SGCE: variants seen among roughly 807,000 people sequenced by gnomAD.
SGCE encodes sarcoglycan epsilon, also known as epsilon-sarcoglycan.
A neutral mutation model predicts 57.8 loss-of-function variants in SGCE; 26 were observed. That is an observed-to-expected ratio of 0.45 (90% CI 0.33 to 0.62). The LOEUF (loss-of-function observed/expected upper bound fraction) is 0.62, where lower values mean the gene tolerates loss of function less well. SGCE is among the 20% of genes least tolerant of loss of function. The pLI, the probability that SGCE is intolerant of heterozygous loss-of-function variation, is 0.02. For missense variants in SGCE, 468 were observed against 548.6 expected (o/e 0.85, Z 1.47); for synonymous variants, 183 against 189.5 (o/e 0.97, Z 0.28).
At chr7:94,595,397 T>C (rs539789538) in intron 9 of SGCE, among the ~76,000 whole-genome samples, 1 of 152,230 alleles carries the variant, frequency 6.6e-6, no homozygotes, top group African/African-American at 2.4e-5. Flanking sequence ...TGTCTGAATA[T>C]TTCCGGTATC....
chr7:94,635,066 A>G (rs1422133284), intron 1 of SGCE, among the ~76,000 whole-genome samples: 1 of 152,226 alleles, frequency 6.6e-6, no homozygotes, highest in Non-Finnish European at 1.5e-5. Flanking sequence ...CAATATAATT[A>G]ATAAGTAACT....
In SGCE at chr7:94,639,544, A is replaced by T. The variant is rs1362853493; in HGVS notation, c.110-9703T>A. On this transcript the variant is annotated intron_variant, in intron 1 of 10. Transcript: ENST00000648936. ...ATCACCTACAATTAACTGGGATCAG[A>T]TTCCTTCCAGCCCAGCTAACTGTTT... is the stretch of plus-strand genomic sequence containing the variant. The T allele has an allele frequency of 4.2e-6, 3 of 716,648 alleles. No individual in the cohort carries two copies. The Admixed American group carries it at 7.1e-5, about 17-fold the overall frequency. The allele number at this position is 716,648 out of a possible 1,614,324, so 44.4% of individuals were successfully genotyped here.
At chr7:94,589,067 G>A in intron 9 of SGCE, 1 of 350,220 alleles carries the variant, frequency 2.9e-6, no homozygotes, top group Admixed American at 3.9e-5. Flanking sequence ...CTAGGACATG[G>A]TAGGTAAAGA....
chr7:94,591,885 T>G (rs1378673756), intron 9 of SGCE, among the ~76,000 whole-genome samples: 1 of 152,234 alleles, frequency 6.6e-6, no homozygotes, highest in Non-Finnish European at 1.5e-5. Flanking sequence ...TATATTGATT[T>G]AGAGACTGAA....
chr7:94,587,679 A>AAGTCCT, intron 10 of SGCE: 3 of 1,527,742 alleles, frequency 2.0e-6, no homozygotes, highest in Non-Finnish European at 2.6e-6. Flanking sequence ...TTGTTGAAAC[A>AAGTCCT]TGTTAGCATT....
At chr7:94,603,514 C>A in intron 5 of SGCE, 62 bp from the exon 6 acceptor site, 2 of 1,497,316 alleles carry the variant, frequency 1.3e-6, no homozygotes, top group Non-Finnish European at 1.9e-6. Flanking sequence ...AAAAAACAAT[C>A]CACCTTAAAA....
At chr7:94,591,817 C>T (rs1047084644) in intron 9 of SGCE, among the ~76,000 whole-genome samples, 1 of 152,072 alleles carries the variant, frequency 6.6e-6, no homozygotes, top group African/African-American at 2.4e-5. Context: ...GAGAAAAATG[C>T]CACACACAAA....
chr7:94,601,443 C>CAAAAAAAAAAAAAAAAAAAAAAAAAA (rs71123905), intron 6 of SGCE, among the ~76,000 whole-genome samples: 2 of 89,356 alleles, frequency 2.2e-5, no homozygotes, highest in African/African-American at 5.8e-5. Flanking sequence ...ATCCCAGTAT[C>CAAAAAAAAAAAAAAAAAAAAAAAAAA]AAAAAAAAAA....
chr7:94,629,461 A>C, intron 2 of SGCE: 1 of 391,620 alleles, frequency 2.6e-6, no homozygotes, highest in Non-Finnish European at 4.8e-6. Flanking sequence ...ATGTGAATAT[A>C]GGTAGATCAC....
At chr7:94,607,451 A>G (rs1800332871) in intron 5 of SGCE, among the ~76,000 whole-genome samples, 1 of 152,220 alleles carries the variant, frequency 6.6e-6, no homozygotes. Flanking sequence ...AAGGAATTAT[A>G]CACAATGATC....
At position 94,618,928 on chromosome 7, in the gene SGCE, G is replaced by T; in HGVS notation, c.492C>A (p.Phe164Leu). Residue 164 changes from phenylalanine (F) to leucine (L), a missense_variant, in exon 5 of 11, where the codon TTC (phenylalanine) becomes TTA (leucine). Transcript: ENST00000648936. The stretch of plus-strand genomic sequence containing the variant: ...CTTCTACATTCATATTCTTAATGAA[G>T]AATTCTGCTTGATATGGCAACGGGA... ...EDFPLPYQAEFFIKNMNVEEM... is the reference protein window; with the variant it reads ...EDFPLPYQAELFIKNMNVEEM... 1 of 1,613,798 alleles carries T rather than the reference G, an allele frequency of 6.2e-7. No homozygotes were observed. Among genetic ancestry groups the T allele is most frequent in the Non-Finnish European group, 8.5e-7 (1 of 1,179,790 alleles).
At chr7:94,646,709 G>A (rs892012035) in intron 1 of SGCE, among the ~76,000 whole-genome samples, 4 of 152,110 alleles carry the variant, frequency 2.6e-5, no homozygotes, top group South Asian at 2.1e-4. Flanking sequence ...GGTTAGGGAC[G>A]TAAAGCTGCA....
intron 9 of SGCE, chr7:94,598,543 T>C (rs1218391780): frequency 2.0e-6 from 1 of 498,354 alleles, no homozygotes; most frequent in African/African-American, 1.9e-5. Flanking sequence ...TTCTTAAATA[T>C]TAAGGTATAT....
intron 5 of SGCE, chr7:94,617,953 C>T (rs1037737626): frequency 1.3e-5 from 2 of 152,128 alleles, no homozygotes; most frequent in Non-Finnish European, 2.9e-5. Flanking sequence ...ATATGCTATG[C>T]AAAATGTGAT....
chr7:94,652,110 TGA>T (rs896704244), intron 1 of SGCE, among the ~76,000 whole-genome samples: 5 of 152,064 alleles, frequency 3.3e-5, no homozygotes, highest in African/African-American at 1.2e-4. Flanking sequence ...CTGGGGAGGT[TGA>T]GAGGGATAGA....
Position 94,598,980 on chromosome 7 carries a change from T to C in SGCE, c.1065-17A>G. The C allele has an allele frequency of 6.3e-7, 1 of 1,594,100 alleles. No individual in the cohort carries two copies. On this transcript the variant is annotated splice_polypyrimidine_tract_variant and intron_variant, in intron 8 of 10. Coordinates refer to ENST00000648936, the MANE Select transcript of SGCE (RefSeq NM_003919.3). ...AGTTGGATGCTAGGTCAAAAAGAAATAAAACAACATATATTTAAAATCATA... is the reference window on the plus strand; with the variant it reads ...AGTTGGATGCTAGGTCAAAAAGAAACAAAACAACATATATTTAAAATCATA...
At chr7:94,629,457 A>C (rs1371691609) in intron 2 of SGCE, 1 of 382,046 alleles carries the variant, frequency 2.6e-6, no homozygotes, top group Non-Finnish European at 4.9e-6. Context: ...TTCCATGTGA[A>C]TATAGGTAGA....
intron 7 of SGCE, 177 bp downstream of exon 7, chr7:94,600,469 C>T: frequency 1.7e-6 from 1 of 585,100 alleles, no homozygotes; most frequent in Non-Finnish European, 3.0e-6. Flanking sequence ...ATTTGATTTA[C>T]TAGACTCAAA....
At chr7:94,647,067 C>T (rs1807211244) in intron 1 of SGCE, among the ~76,000 whole-genome samples, 1 of 152,172 alleles carries the variant, frequency 6.6e-6, no homozygotes, top group Non-Finnish European at 1.5e-5. Context: ...CATTTTTTCA[C>T]TTAGAATATA....
Sources: allele counts gnomAD v4.1 joint callset (sites outside exome capture counted in the v4.1 genomes callset), GRCh38; gene constraint gnomAD v4.1.1; transcripts MANE v1.5; gene names NCBI Gene and HGNC (gene_info 2026-07-23, HGNC 2026-07-21).